The following ARMC1 variants were observed in gnomAD, a reference collection of about 807,000 sequenced individuals.
The protein encoded by ARMC1 is armadillo repeat-containing protein 1.
In ARMC1, 16 loss-of-function variants were observed where a neutral mutation model predicts 31.4. That is an observed-to-expected ratio of 0.51 (90% CI 0.34 to 0.77). ARMC1 has a LOEUF of 0.77. Ranked by LOEUF, ARMC1 falls within the 30% of genes least tolerant of loss-of-function variation. The pLI is 0.01. For synonymous variants in ARMC1, 114 were observed against 118.9 expected (o/e 0.96, Z 0.27); for missense variants, 259 against 347.5 (o/e 0.75, Z 2.02).
At chr8:65,633,403 TTAAAG>T (rs1470106882) in intron 1 of ARMC1, among the ~76,000 whole-genome samples, 1 of 152,180 alleles carries the variant, frequency 6.6e-6, no homozygotes. Context: ...GGTTATCAGA[TTAAAG>T]TAAGAACGCG....
chr8:65,609,981 T>C (rs1201784446), intron 4 of ARMC1, among the ~76,000 whole-genome samples: 2 of 152,102 alleles, frequency 1.3e-5, no homozygotes, highest in Non-Finnish European at 2.9e-5. Context: ...TATGTAAAGT[T>C]ATATAACTTC....
chr8:65,627,480 T>C, intron 1 of ARMC1, 47 bp from the exon 2 acceptor site: 1 of 1,104,590 alleles, frequency 9.1e-7, no homozygotes, highest in Non-Finnish European at 1.2e-6. Context: ...TGAGGTATAT[T>C]ATAGCACTTG....
At chr8:65,631,232 C>T (rs907818932) in intron 1 of ARMC1, among the ~76,000 whole-genome samples, 1 of 152,124 alleles carries the variant, frequency 6.6e-6, no homozygotes, top group Non-Finnish European at 1.5e-5. Flanking sequence ...CTAACTACCA[C>T]ATTGCCTGAA....
chr8:65,614,079 T>C (rs1441457857), intron 3 of ARMC1, among the ~76,000 whole-genome samples: 1 of 152,338 alleles, frequency 6.6e-6, no homozygotes, highest in East Asian at 1.9e-4. Flanking sequence ...TGAAAGTACC[T>C]TGACTTTTAA....
intron 1 of ARMC1, among the ~76,000 whole-genome samples, chr8:65,631,716 C>T (rs921640624): frequency 1.3e-5 from 2 of 152,172 alleles, no homozygotes; most frequent in Non-Finnish European, 2.9e-5. Context: ...CAACTTCACA[C>T]ACTCAAGCTG....
chr8:65,609,629 G>A (rs1361778129), intron 4 of ARMC1, among the ~76,000 whole-genome samples: 1 of 152,134 alleles, frequency 6.6e-6, no homozygotes, highest in Non-Finnish European at 1.5e-5. Flanking sequence ...GGAGGCCAAG[G>A]CGGGTGGATC....
At chr8:65,617,880 A>G (rs1210557097) in intron 3 of ARMC1, among the ~76,000 whole-genome samples, 1 of 148,418 alleles carries the variant, frequency 6.7e-6, no homozygotes, top group Non-Finnish European at 1.5e-5. Flanking sequence ...AGTAGTTCTT[A>G]GCCAATTAAG....
intron 1 of ARMC1, among the ~76,000 whole-genome samples, chr8:65,632,380 G>A (rs553898664): frequency 6.9e-4 from 105 of 152,164 alleles, no homozygotes; most frequent in African/African-American, 2.4e-3. Flanking sequence ...TTGGGAGGCC[G>A]AGGCGAGCGG....
At chr8:65,607,877 T>C (rs1442420759) in intron 4 of ARMC1, among the ~76,000 whole-genome samples, 6 of 152,104 alleles carry the variant, frequency 3.9e-5, no homozygotes. Context: ...TTATTAAGAA[T>C]ACCCTTGCTA....
intron 1 of ARMC1, 62 bp downstream of exon 1, chr8:65,633,936 G>C (rs542047882): frequency 6.6e-6 from 1 of 152,440 alleles, no homozygotes; most frequent in Non-Finnish European, 1.5e-5. Context: ...TCGGTACAGG[G>C]GCCGCTTCCC....
chr8:65,616,858 A>C (rs1362182129), intron 3 of ARMC1, among the ~76,000 whole-genome samples: 1 of 147,544 alleles, frequency 6.8e-6, no homozygotes, highest in Non-Finnish European at 1.5e-5. Context: ...TCCACCCGGC[A>C]GCCGCCCTGT....
intron 4 of ARMC1, among the ~76,000 whole-genome samples, chr8:65,611,593 T>G (rs1808141503): frequency 6.6e-6 from 1 of 152,088 alleles, no homozygotes; most frequent in Admixed American, 6.6e-5. Context: ...CTTCAGCTGC[T>G]TCTATTTTCT....
chr8:65,630,980 C>T (rs573654793), intron 1 of ARMC1, among the ~76,000 whole-genome samples: 3 of 152,248 alleles, frequency 2.0e-5, no homozygotes, highest in South Asian at 2.1e-4. Flanking sequence ...ACAGTATTTT[C>T]GATTCATGCT....
intron 1 of ARMC1, among the ~76,000 whole-genome samples, chr8:65,630,227 A>G (rs564031169): frequency 6.6e-6 from 1 of 152,356 alleles, no homozygotes; most frequent in East Asian, 1.9e-4. Context: ...AGATATGTTA[A>G]CTAGCTTGAT....
At chr8:65,617,920 G>GGT (rs201836926) in intron 3 of ARMC1, among the ~76,000 whole-genome samples, 6,273 of 83,496 alleles carry the variant, frequency 0.075, 197 homozygotes, top group Non-Finnish European at 0.1. Flanking sequence ...TTTTTTCGGC[G>GGT]GGGGGGGAGG....
chr8:65,616,889 C>A (rs1285817451), intron 3 of ARMC1, among the ~76,000 whole-genome samples: 2 of 150,856 alleles, frequency 1.3e-5, no homozygotes, highest in African/African-American at 4.9e-5. Context: ...AGGAGCCCCT[C>A]CGCCCGGCAG....
intron 2 of ARMC1, among the ~76,000 whole-genome samples, chr8:65,625,306 A>G (rs1212556056): frequency 2.6e-5 from 4 of 152,124 alleles, no homozygotes; most frequent in Non-Finnish European, 5.9e-5. Context: ...ATTCTGCCCA[A>G]CTTAACCTGG....
At chr8:65,611,226 G>C (rs568311102) in intron 4 of ARMC1, among the ~76,000 whole-genome samples, 1 of 152,296 alleles carries the variant, frequency 6.6e-6, no homozygotes, top group African/African-American at 2.4e-5. Flanking sequence ...AAGCCACCAT[G>C]CCCGGCCCTC....
chr8:65,605,815 C>T (rs1485991330), intron 4 of ARMC1, among the ~76,000 whole-genome samples: 1 of 152,042 alleles, frequency 6.6e-6, no homozygotes, highest in African/African-American at 2.4e-5. Flanking sequence ...TGTTAATTTA[C>T]ATCTTAAATA....
Sources: allele counts gnomAD v4.1 joint callset (sites outside exome capture counted in the v4.1 genomes callset), GRCh38; gene constraint gnomAD v4.1.1; transcripts MANE v1.5; gene names NCBI Gene and HGNC (gene_info 2026-07-23, HGNC 2026-07-21).